The following ATP13A5 variants were observed in gnomAD, a reference collection of about 807,000 sequenced individuals.
The protein encoded by ATP13A5 is ATPase 13A5.
A neutral mutation model predicts 150.2 loss-of-function variants in ATP13A5; 149 were observed. That is an observed-to-expected ratio of 0.99 (90% CI 0.87 to 1.14). The LOEUF (loss-of-function observed/expected upper bound fraction) is 1.14, where lower values mean the gene tolerates loss of function less well. Among genes scored for constraint, ATP13A5 ranks in the 50% most tolerant of loss-of-function variants. The pLI is 0.00. For missense variants in ATP13A5, 1,383 were observed against 1,449.3 expected (o/e 0.95, Z 0.74); for synonymous variants, 497 against 522.2 (o/e 0.95, Z 0.66).
intron 12 of ATP13A5, among the ~76,000 whole-genome samples, chr3:193,329,765 G>A (rs1369569284): frequency 6.6e-6 from 1 of 152,132 alleles, no homozygotes; most frequent in Non-Finnish European, 1.5e-5. Context: ...ACTCATTGGA[G>A]TCACTCCCAT....
At chr3:193,337,864 G>C (rs928631658) in intron 9 of ATP13A5, among the ~76,000 whole-genome samples, 1 of 152,222 alleles carries the variant, frequency 6.6e-6, no homozygotes, top group East Asian at 1.9e-4. Context: ...CTATCCATGA[G>C]TGTGGAATGT....
chr3:193,314,238 C>T lies in ATP13A5; in HGVS notation c.2159-45G>A, dbSNP rs753276362. ...TGCTTGCTGTATGTACAAACCTCCCCTCAGCAACAAGAACTGAGGTCTCCC... is the reference window on the plus strand; with the variant it reads ...TGCTTGCTGTATGTACAAACCTCCCTTCAGCAACAAGAACTGAGGTCTCCC... On this transcript the variant is annotated intron_variant, in intron 18 of 29. Transcript: ENST00000342358. The T allele has an allele frequency of 3.1e-6, 5 of 1,593,310 alleles. No homozygotes were observed. The African/African-American group carries it at 4.0e-5, about 13-fold the overall frequency.
chr3:193,314,175 G>A lies in ATP13A5; in HGVS notation c.2177C>T (p.Ala726Val). Residue 726 changes from alanine (A) to valine (V), a missense_variant, in exon 19 of 30, where the codon GCC becomes GTC. Ala to Val is a moderately conservative substitution (Grantham distance 64). Coordinates refer to ENST00000342358, the MANE Select transcript of ATP13A5 (RefSeq NM_198505.4). Reference protein sequence around the residue: ...VMITGDNLQTAITVAKNSEMI... With the variant: ...VMITGDNLQTVITVAKNSEMI... ...TTCAGAATTCTTTGCAACAGTAATG[G>A]CCGTTTGAAGGTTATCACCTAGAAG... 1 of 1,613,722 alleles carries A rather than the reference G, an allele frequency of 6.2e-7. No individual in the cohort carries two copies. The highest frequency in any genetic ancestry group is 8.5e-7 in the Non-Finnish European group (1 of 1,179,760).
rs191027269 is a variant in ATP13A5 at position 193,350,589 on chromosome 3, A to G, written c.741+478T>C. ...ATATACCCGAATATCAAATGAACAC[A>G]TAGACATTATAAAGGACTTCTAAGA... On this transcript the variant is annotated intron_variant, in intron 7 of 29. Transcript: ENST00000342358. 7.9e-5 allele frequency among the ~76,000 whole-genome samples: 12 copies of G among 152,332 alleles called. No homozygotes were observed. The East Asian group carries it at 2.3e-3, about 29-fold the overall frequency.
intron 1 of ATP13A5, among the ~76,000 whole-genome samples, chr3:193,371,714 T>A (rs1283606372): frequency 6.6e-6 from 1 of 152,118 alleles, no homozygotes; most frequent in African/African-American, 2.4e-5. Context: ...ACGTAGAACC[T>A]CCCTTGCATC....
intron 16 of ATP13A5, among the ~76,000 whole-genome samples, chr3:193,320,646 A>C (rs113096854): frequency 2.1e-5 from 1 of 47,466 alleles, no homozygotes; most frequent in Admixed American, 2.0e-4. Context: ...CTAAAAAAAG[A>C]CTCCCAATAG....
chr3:193,306,653 C>T (rs1718630884), intron 22 of ATP13A5, among the ~76,000 whole-genome samples: 2 of 152,144 alleles, frequency 1.3e-5, no homozygotes, highest in African/African-American at 4.8e-5. Flanking sequence ...TGAAATATTT[C>T]CTTAAGTACA....
chr3:193,364,270 CCAA>C lies in ATP13A5; in HGVS notation c.71_73del (p.Phe24_Gly25delinsCys). 1 of 1,613,016 alleles carries C rather than the reference CCAA, an allele frequency of 6.2e-7. No homozygotes were observed. The highest frequency in any genetic ancestry group is 1.1e-5 in the South Asian group (1 of 90,874). On this transcript the variant is annotated inframe_deletion, in exon 2 of 30. Transcript: ENST00000342358. ...TTTCCGTACATTGTGGTCCCGGTAA[CCAA>C]ACACCTCCTGGAGAATAAATTTAAA...
intron 26 of ATP13A5, among the ~76,000 whole-genome samples, chr3:193,288,318 A>C (rs1303364864): frequency 2.6e-5 from 4 of 152,156 alleles, no homozygotes; most frequent in African/African-American, 7.2e-5. Context: ...CTACAGAGAA[A>C]TATCTCATGA....
Position 193,361,975 on chromosome 3 carries a change from C to T in ATP13A5, c.536+406G>A, listed in dbSNP as rs927723353. ...TATAGTGGTGAATAACACAACTAAC[C>T]GAGCAAGCAAAATCCTCATCTCCAG... On this transcript the variant is annotated intron_variant, in intron 5 of 29. Transcript: ENST00000342358. 9.9e-5 allele frequency among the ~76,000 whole-genome samples: 15 copies of T among 152,222 alleles called. No individual in the cohort carries two copies. The East Asian group carries it at 1.4e-3, about 14-fold the overall frequency.
chr3:193,305,349 A>G (rs1025046566), intron 23 of ATP13A5, among the ~76,000 whole-genome samples: 3 of 152,168 alleles, frequency 2.0e-5, no homozygotes, highest in African/African-American at 7.2e-5. Flanking sequence ...ATACCCACCT[A>G]TCCTTTAAGG....
chr3:193,304,533 G>T (rs1193970579), intron 23 of ATP13A5, among the ~76,000 whole-genome samples: 1 of 152,110 alleles, frequency 6.6e-6, no homozygotes, highest in East Asian at 1.9e-4. Context: ...TCTGGTGATG[G>T]TTTTCAGATC....
At chr3:193,303,086 A>T (rs1718468460) in intron 23 of ATP13A5, among the ~76,000 whole-genome samples, 1 of 152,178 alleles carries the variant, frequency 6.6e-6, no homozygotes, top group African/African-American at 2.4e-5. Flanking sequence ...TTGCACTGTT[A>T]TCCAGGAGCT....
chr3:193,295,477 T>C (rs150251053), intron 25 of ATP13A5, among the ~76,000 whole-genome samples: 1 of 152,186 alleles, frequency 6.6e-6, no homozygotes, highest in Non-Finnish European at 1.5e-5. Context: ...TGCTGTTTTC[T>C]GCTACTCACT....
intron 1 of ATP13A5, among the ~76,000 whole-genome samples, chr3:193,371,349 C>T (rs1713431987): frequency 6.6e-6 from 1 of 152,196 alleles, no homozygotes. Context: ...CCTTACAGGG[C>T]TGCATACTCT....
At chr3:193,362,028 C>A (rs1713025651) in intron 5 of ATP13A5, among the ~76,000 whole-genome samples, 1 of 152,112 alleles carries the variant, frequency 6.6e-6, no homozygotes, top group South Asian at 2.1e-4. Flanking sequence ...AAAATGCAAT[C>A]AAAGTATTGT....
chr3:193,318,953 A>C (rs373223414), intron 17 of ATP13A5, 38 bp downstream of exon 17: 28 of 1,461,888 alleles, frequency 1.9e-5, no homozygotes, highest in African/African-American at 7.0e-5. Context: ...CTTCATGGGC[A>C]CAGAGCCTGC....
intron 3 of ATP13A5, 136 bp downstream of exon 3, chr3:193,363,100 G>T: frequency 9.1e-7 from 1 of 1,098,820 alleles, no homozygotes; most frequent in Non-Finnish European, 1.3e-6. Context: ...ACCATGCCCA[G>T]CCAGTCTCAC....
chr3:193,344,087 G>C, intron 8 of ATP13A5, 32 bp from the exon 9 acceptor site: 2 of 1,603,360 alleles, frequency 1.2e-6, no homozygotes, highest in Non-Finnish European at 1.7e-6. Flanking sequence ...ATGAATAGCT[G>C]ACCTTTTCCT....
Sources: allele counts gnomAD v4.1 joint callset (sites outside exome capture counted in the v4.1 genomes callset), GRCh38; gene constraint gnomAD v4.1.1; transcripts MANE v1.5; gene names NCBI Gene and HGNC (gene_info 2026-07-23, HGNC 2026-07-21).